The following UBE2L3 variants were observed in gnomAD, a reference collection of about 807,000 sequenced individuals.
UBE2L3 encodes the protein ubiquitin conjugating enzyme E2 L3.
UBE2L3 carries 1 observed loss-of-function variant against 17.8 expected under a neutral mutation model. That is an observed-to-expected ratio of 0.06 (90% CI 0.02 to 0.27). UBE2L3 has a LOEUF of 0.27. UBE2L3 is among the 10% of genes least tolerant of loss of function. The pLI is 1.00. For synonymous variants in UBE2L3, 44 were observed against 68.5 expected (o/e 0.64, Z 1.76); for missense variants, 40 against 192.6 (o/e 0.21, Z 4.69).
At chr22:21,601,807 T>C (rs1384910430) in intron 2 of UBE2L3, among the ~76,000 whole-genome samples, 1 of 151,054 alleles carries the variant, frequency 6.6e-6, no homozygotes, top group Non-Finnish European at 1.5e-5. Flanking sequence ...CTGTCTCTAC[T>C]AAAAATACAA....
intron 1 of UBE2L3, among the ~76,000 whole-genome samples, chr22:21,581,101 C>G (rs1170272949): frequency 2.0e-5 from 3 of 148,650 alleles, no homozygotes; most frequent in African/African-American, 7.4e-5. Flanking sequence ...GTTGCCCAGG[C>G]TGGAGTGCAG....
chr22:21,569,943 G>A (rs186743213), intron 1 of UBE2L3, among the ~76,000 whole-genome samples: 15 of 152,250 alleles, frequency 9.9e-5, no homozygotes, highest in Non-Finnish European at 1.8e-4. Context: ...CCCTTTGCAC[G>A]TGTTGTTTGC....
upstream of UBE2L3, among the ~76,000 whole-genome samples, chr22:21,565,506 C>A (rs895661704): frequency 6.6e-6 from 1 of 151,090 alleles, no homozygotes; most frequent in Non-Finnish European, 1.5e-5. Context: ...AATCCCAGCA[C>A]TTTGGGAGGC....
At chr22:21,552,993 T>C (rs1194670948) in intron 1 of UBE2L3, among the ~76,000 whole-genome samples, 1 of 49,932 alleles carries the variant, frequency 2.0e-5, no homozygotes, top group Non-Finnish European at 4.4e-5. Flanking sequence ...CACAAAGTGC[T>C]GGGATTACAG....
At chr22:21,580,389 A>G (rs979349679) in intron 1 of UBE2L3, among the ~76,000 whole-genome samples, 1 of 152,070 alleles carries the variant, frequency 6.6e-6, no homozygotes, top group African/African-American at 2.4e-5. Context: ...AGCCATGGCT[A>G]CCCCTTTCCC....
At chr22:21,558,641 A>C (rs3095769) in intron 1 of UBE2L3, among the ~76,000 whole-genome samples, 1 of 152,082 alleles carries the variant, frequency 6.6e-6, no homozygotes, top group Non-Finnish European at 1.5e-5. Context: ...AAAAAAAAAA[A>C]AAAAAAAACA....
At chr22:21,611,609 T>C (rs997908841) in intron 3 of UBE2L3, among the ~76,000 whole-genome samples, 5 of 152,178 alleles carry the variant, frequency 3.3e-5, no homozygotes, top group African/African-American at 9.7e-5. Context: ...TGGAGTTGGA[T>C]GTGGCTGTGC....
At chr22:21,599,485 C>A (rs993438620) in intron 2 of UBE2L3, among the ~76,000 whole-genome samples, 1 of 152,026 alleles carries the variant, frequency 6.6e-6, no homozygotes, top group African/African-American at 2.4e-5. Context: ...ACAGAGAAGC[C>A]ACCCTCCTGG....
chr22:21,605,157 A>G (rs1475029507), intron 2 of UBE2L3, among the ~76,000 whole-genome samples: 1 of 152,170 alleles, frequency 6.6e-6, no homozygotes, highest in Non-Finnish European at 1.5e-5. Context: ...TGTTAGCAAC[A>G]AAGTGAGATC....
At chr22:21,560,446 A>ATTTT (rs59968738) in intron 1 of UBE2L3, among the ~76,000 whole-genome samples, 22 of 126,236 alleles carry the variant, frequency 1.7e-4, no homozygotes, top group South Asian at 2.6e-4. Flanking sequence ...CTTTAGATCT[A>ATTTT]TTTTTTTTTT....
At chr22:21,608,185 T>C (rs1446524142) in intron 2 of UBE2L3, among the ~76,000 whole-genome samples, 1 of 152,218 alleles carries the variant, frequency 6.6e-6, no homozygotes, top group Non-Finnish European at 1.5e-5. Context: ...TCTTTCCTGG[T>C]GGGAATGCAA....
chr22:21,581,691 G>A (rs182752605), intron 1 of UBE2L3, among the ~76,000 whole-genome samples: 17 of 151,732 alleles, frequency 1.1e-4, no homozygotes, highest in African/African-American at 4.1e-4. Context: ...AATCCCAGCT[G>A]CTCGGGAGTC....
At chr22:21,571,689 A>C (rs1160085818) in intron 1 of UBE2L3, among the ~76,000 whole-genome samples, 1 of 152,206 alleles carries the variant, frequency 6.6e-6, no homozygotes, top group Non-Finnish European at 1.5e-5. Context: ...GGTGTGAGCC[A>C]CTGCGCCCAG....
chr22:21,585,452 T>C (rs994566494), intron 1 of UBE2L3, among the ~76,000 whole-genome samples: 14 of 152,196 alleles, frequency 9.2e-5, no homozygotes, highest in African/African-American at 2.7e-4. Flanking sequence ...CCCTGATATG[T>C]GGTACCTAAC....
chr22:21,615,067 A>G (rs1007517313), intron 3 of UBE2L3, among the ~76,000 whole-genome samples: 15 of 152,096 alleles, frequency 9.9e-5, no homozygotes, highest in African/African-American at 3.4e-4. Flanking sequence ...AAGCTGGAGA[A>G]TCACTTGAAC....
intron 3 of UBE2L3, among the ~76,000 whole-genome samples, chr22:21,613,334 C>G (rs112202318): frequency 2.0e-5 from 3 of 152,196 alleles, no homozygotes; most frequent in African/African-American, 7.2e-5. Flanking sequence ...TCCCCCACCC[C>G]CAAGAGCCAA....
chr22:21,589,142 A>ATTTTTTT (rs768593270), intron 1 of UBE2L3, among the ~76,000 whole-genome samples: 1 of 111,728 alleles, frequency 9.0e-6, no homozygotes, highest in African/African-American at 3.5e-5. Flanking sequence ...CATGATTGGA[A>ATTTTTTT]TTTTTTTTTT....
intron 2 of UBE2L3, among the ~76,000 whole-genome samples, chr22:21,601,174 AAAAT>A (rs1928835860): frequency 6.6e-6 from 1 of 152,156 alleles, no homozygotes; most frequent in Non-Finnish European, 1.5e-5. Context: ...CTTTCAAAGA[AAAAT>A]CAATCAATCA....
chr22:21,612,643 C>CTTTTTTTTTTTTTTTTTTTTTTTTTTTT lies in UBE2L3; in HGVS notation c.310+1601_310+1628dup, dbSNP rs57678378. 9.5e-5 allele frequency among the ~76,000 whole-genome samples: 5 copies of CTTTTTTTTTTTTTTTTTTTTTTTTTTTT among 52,492 alleles called. 1 individual carries two copies. The highest frequency in any genetic ancestry group is 3.0e-4 in the Admixed American group (1 of 3,360). 34.4% of individuals were successfully genotyped at this position (52,492 alleles called of 152,430 possible). On this transcript the variant is annotated intron_variant, in intron 3 of 3. Transcript: ENST00000342192. ...CCCAGCCGATTTTTTCTTTTCTTTTCTTTTTTTTTTTTTTTTTTTTTTTTT... is the reference window on the plus strand; with the variant it reads ...CCCAGCCGATTTTTTCTTTTCTTTTCTTTTTTTTTTTTTTTTTTTTTTTTTTTTTTTTTTTTTTTTTTTTTTTTTTTTT...
Sources: gnomAD v4.1 joint callset for allele counts (sites outside exome capture counted in the v4.1 genomes callset) on GRCh38, gnomAD v4.1.1 for gene constraint, MANE v1.5 for transcripts, NCBI Gene and HGNC (gene_info 2026-07-23, HGNC 2026-07-21) for gene names.